The following USH2A variants were observed in gnomAD, a reference collection of about 807,000 sequenced individuals.
USH2A encodes Usher syndrome 2A (autosomal recessive, mild).
USH2A carries 443 observed loss-of-function variants against 538.9 expected under a neutral mutation model. That is an observed-to-expected ratio of 0.82 (90% CI 0.76 to 0.89). The LOEUF is 0.89. Among genes scored for constraint, USH2A ranks in the 40% least tolerant of loss-of-function variants. The pLI, the probability that USH2A is intolerant of heterozygous loss-of-function variation, is 0.00. For synonymous variants in USH2A, 2,413 were observed against 2,273.5 expected, an observed-to-expected ratio of 1.06 and a Z score of -1.75; for missense variants, 6,633 against 6,324.8, an observed-to-expected ratio of 1.05 and a Z score of -1.65.
At chr1:215,778,342 G>A (rs184468234) in intron 55 of USH2A, among the ~76,000 whole-genome samples, 6 of 152,236 alleles carry the variant, frequency 3.9e-5, no homozygotes, top group East Asian at 1.9e-4. Context: ...ATGAGCCACC[G>A]CACCCAGCCT....
At chr1:215,723,079 G>A (rs1438602803) in intron 61 of USH2A, among the ~76,000 whole-genome samples, 1 of 152,080 alleles carries the variant, frequency 6.6e-6, no homozygotes, top group African/African-American at 2.4e-5. Flanking sequence ...GAGCTAATTG[G>A]GAAGGGAGTT....
chr1:215,680,074 C>A, intron 62 of USH2A, 75 bp downstream of exon 62: 1 of 1,463,982 alleles, frequency 6.8e-7, no homozygotes, highest in Non-Finnish European at 9.6e-7. Context: ...CCCACAGTGA[C>A]CTGATGGCAT....
chr1:215,779,492 G>C (rs927702984), intron 55 of USH2A, among the ~76,000 whole-genome samples: 1 of 152,132 alleles, frequency 6.6e-6, no homozygotes, highest in Admixed American at 6.5e-5. Flanking sequence ...CTGCCTTCCA[G>C]TATATTCTTG....
At chr1:216,233,330 T>C (rs1389367059) in intron 13 of USH2A, among the ~76,000 whole-genome samples, 2 of 152,148 alleles carry the variant, frequency 1.3e-5, no homozygotes. Flanking sequence ...AGTTCACTCA[T>C]GTAAGTCAGG....
chr1:215,758,584 T>A lies in USH2A; in HGVS notation c.11389+11A>T, dbSNP rs1194078705. 1.2e-6 allele frequency: 2 copies of A among 1,609,944 alleles called. No homozygotes were observed. Among genetic ancestry groups the A allele is most frequent in the East Asian group, 2.2e-5 (1 of 44,804 alleles). On this transcript the variant is annotated intron_variant, in intron 58 of 71. Transcript: ENST00000307340. ...TACACACACACACACATACTTCTTT[T>A]TTTTTTTTACCTGGTGGTATCCAAG... is the stretch of plus-strand genomic sequence containing the variant.
chr1:216,257,114 A>G (rs2036275167), intron 11 of USH2A, among the ~76,000 whole-genome samples: 1 of 151,996 alleles, frequency 6.6e-6, no homozygotes, highest in Non-Finnish European at 1.5e-5. Context: ...TGCAGTTGCC[A>G]TTTTGGGTGC....
chr1:215,739,040 A>G (rs1660230560), intron 60 of USH2A, among the ~76,000 whole-genome samples: 1 of 152,210 alleles, frequency 6.6e-6, no homozygotes, highest in Admixed American at 6.5e-5. Context: ...AATAACTGCC[A>G]AGTGATTCAT....
intron 32 of USH2A, among the ~76,000 whole-genome samples, chr1:216,012,205 C>T (rs1461910739): frequency 2.7e-5 from 4 of 150,598 alleles, no homozygotes; most frequent in African/African-American, 9.8e-5. Flanking sequence ...GGCTATGCTA[C>T]AGTACAAGCC....
chr1:216,310,202 G>T (rs116183929), intron 9 of USH2A, among the ~76,000 whole-genome samples: 2,105 of 151,956 alleles, frequency 0.014, 15 homozygotes, highest in South Asian at 0.026. Context: ...CTTGTTCTTT[G>T]TTTCTATTCT....
chr1:216,246,605 C>G lies in USH2A; in HGVS notation c.2789G>C (p.Arg930Thr). Residue 930 changes from arginine (R) to threonine (T), a missense_variant, in exon 13 of 72, where the codon AGG (arginine) becomes ACG (threonine). By Grantham distance (71) the Arg-to-Thr change is moderately conservative. Coordinates refer to ENST00000307340, the MANE Select transcript of USH2A (RefSeq NM_206933.4). Reference sequence around the variant, plus strand: ...CTTACCTGGTTGACACTGATTACACCTTCTTCCTTGACGATTAGGCACACA... The same window carrying G: ...CTTACCTGGTTGACACTGATTACACGTTCTTCCTTGACGATTAGGCACACA... ...CLCVPNRQGR[R>T]CNQCQPGFYI... The G allele has an allele frequency of 6.2e-7, 1 of 1,614,018 alleles. No homozygotes were observed. The highest frequency in any genetic ancestry group is 1.1e-5 in the South Asian group (1 of 91,086).
At chr1:216,396,379 C>T (rs911665245) in intron 3 of USH2A, among the ~76,000 whole-genome samples, 5 of 152,058 alleles carry the variant, frequency 3.3e-5, no homozygotes, top group African/African-American at 9.7e-5. Context: ...TTTCCATGGG[C>T]GCTTCCACTG....
intron 64 of USH2A, among the ~76,000 whole-genome samples, chr1:215,657,541 C>T (rs1418666118): frequency 6.6e-6 from 1 of 152,150 alleles, no homozygotes; most frequent in Non-Finnish European, 1.5e-5. Flanking sequence ...TGGATGTTTT[C>T]CAGCATCTCT....
At chr1:216,403,280 T>A (rs1387910594) in intron 3 of USH2A, among the ~76,000 whole-genome samples, 3 of 152,104 alleles carry the variant, frequency 2.0e-5, no homozygotes, top group Non-Finnish European at 2.9e-5. Flanking sequence ...TTCATTAATT[T>A]GATAAAGAAC....
At chr1:216,157,752 A>T (rs1016877696) in intron 21 of USH2A, among the ~76,000 whole-genome samples, 5 of 152,186 alleles carry the variant, frequency 3.3e-5, no homozygotes, top group African/African-American at 1.2e-4. Context: ...TATATGTGAG[A>T]GCTAAACATT....
At chr1:216,071,779 G>C (rs2031566968) in intron 29 of USH2A, among the ~76,000 whole-genome samples, 1 of 152,210 alleles carries the variant, frequency 6.6e-6, no homozygotes, top group Admixed American at 6.5e-5. Context: ...AATAGGAGCA[G>C]AGAACATGTC....
intron 11 of USH2A, among the ~76,000 whole-genome samples, chr1:216,273,030 A>C (rs569665890): frequency 1.3e-5 from 2 of 152,102 alleles, no homozygotes; most frequent in Non-Finnish European, 2.9e-5. Flanking sequence ...AAGCCATTAA[A>C]AATGATTATA....
chr1:216,301,030 G>A (rs2037205919), intron 9 of USH2A, among the ~76,000 whole-genome samples: 1 of 151,712 alleles, frequency 6.6e-6, no homozygotes, highest in Non-Finnish European at 1.5e-5. Context: ...GATTACAGGC[G>A]GGAGCCACCA....
chr1:215,759,204 G>A (rs1660903682), intron 57 of USH2A, among the ~76,000 whole-genome samples: 1 of 152,140 alleles, frequency 6.6e-6, no homozygotes, highest in East Asian at 1.9e-4. Flanking sequence ...TGTCTCTGCT[G>A]AGAAATGAAT....
At chr1:215,665,373 A>G (rs1309448616) in intron 64 of USH2A, among the ~76,000 whole-genome samples, 1 of 152,124 alleles carries the variant, frequency 6.6e-6, no homozygotes, top group Non-Finnish European at 1.5e-5. Context: ...TGCTTCAGAG[A>G]CCCTGAGTGT....
Sources: gnomAD v4.1 joint callset for allele counts (sites outside exome capture counted in the v4.1 genomes callset) on GRCh38, gnomAD v4.1.1 for gene constraint, MANE v1.5 for transcripts, NCBI Gene and HGNC (gene_info 2026-07-23, HGNC 2026-07-21) for gene names.